MTMR9: variants seen among roughly 807,000 people sequenced by gnomAD.
The protein encoded by MTMR9 is myotubularin related protein 9.
In MTMR9, 39 loss-of-function variants were observed where a neutral mutation model predicts 69.5. That is an observed-to-expected ratio of 0.56 (90% CI 0.43 to 0.73). The LOEUF is 0.73. Ranked by LOEUF, MTMR9 falls within the 30% of genes least tolerant of loss-of-function variation. The pLI is 0.00. For missense variants in MTMR9, 900 were observed against 671.2 expected, an observed-to-expected ratio of 1.34 and a Z score of -3.77; for synonymous variants, 354 against 240.8, an observed-to-expected ratio of 1.47 and a Z score of -4.35.
At chr8:11,307,847 C>G (rs899919772) in intron 5 of MTMR9, among the ~76,000 whole-genome samples, 2 of 151,662 alleles carry the variant, frequency 1.3e-5, no homozygotes, top group African/African-American at 4.8e-5. Flanking sequence ...ATTTATATGT[C>G]TTCTTTTGAG....
At chr8:11,330,974 A>T, downstream of MTMR9, 1 of 1,440,114 alleles carries the variant, frequency 6.9e-7, no homozygotes, top group Non-Finnish European at 9.2e-7. Flanking sequence ...CTCAGCGGGA[A>T]AATAGGCGTG....
chr8:11,285,415 G>A (rs1799113088), intron 1 of MTMR9: 1 of 195,688 alleles, frequency 5.1e-6, no homozygotes, highest in South Asian at 1.4e-4. Flanking sequence ...GTCAGTCACC[G>A]TTCATGAAGT....
intron 2 of MTMR9, among the ~76,000 whole-genome samples, chr8:11,298,554 T>C (rs948970082): frequency 6.6e-6 from 1 of 152,042 alleles, no homozygotes; most frequent in Admixed American, 6.5e-5. Context: ...TACTATTGAA[T>C]AGTCATGGGC....
At chr8:11,331,613 AATC>A (rs1405682056), downstream of MTMR9, 16 of 1,613,024 alleles carry the variant, frequency 9.9e-6, no homozygotes, top group Middle Eastern at 3.5e-4. Flanking sequence ...TCCTAGGACT[AATC>A]ATCATTCTGG....
rs781324653 is a variant in MTMR9, at chr8:11,304,856, C to G, written c.433C>G (p.Leu145Val). 1 of 1,613,950 alleles carries G rather than the reference C, an allele frequency of 6.2e-7. No homozygotes were observed. Among genetic ancestry groups the G allele is most frequent in the South Asian group, 1.1e-5 (1 of 91,068 alleles). The part of the protein sequence containing the change: ...LYSSATSEWR[L>V]SYVNKEFAVC... Reference sequence around the variant, plus strand: ...TGTTTTTCAGACCAGTGAATGGAGGCTAAGCTATGTCAATAAGGAATTTGC... The same window carrying G: ...TGTTTTTCAGACCAGTGAATGGAGGGTAAGCTATGTCAATAAGGAATTTGC... The change falls in exon 4 of 10, where the codon CTA becomes GTA. Residue 145 changes from leucine (L) to valine (V), a missense_variant. By Grantham distance (32) the Leu-to-Val change is conservative. Coordinates refer to ENST00000221086, the MANE Select transcript of MTMR9 (RefSeq NM_015458.4).
At chr8:11,288,346 T>A (rs908896341) in intron 1 of MTMR9, among the ~76,000 whole-genome samples, 1 of 139,896 alleles carries the variant, frequency 7.1e-6, no homozygotes, top group Non-Finnish European at 1.5e-5. Flanking sequence ...TATAATATAT[T>A]TATATATATA....
In MTMR9 at chr8:11,327,186, A is replaced by G. The variant is rs1206870835; in HGVS notation, c.*4398A>G. 1 of 152,216 alleles carries G rather than the reference A, an allele frequency of 6.6e-6. No individual in the cohort carries two copies. Among genetic ancestry groups the G allele is most frequent in the African/African-American group, 2.4e-5 (1 of 41,462 alleles). The allele number at this position is 152,216 out of a possible 1,614,324, so 9.4% of individuals were successfully genotyped here. On this transcript the variant is annotated 3_prime_UTR_variant, in exon 10 of 10. Coordinates refer to ENST00000221086, the MANE Select transcript of MTMR9 (RefSeq NM_015458.4). ...AGACCCTCTGAAATTCTAGGACTGG[A>G]TATTAAAATGCCTGAACCTGTTATC...
Position 11,290,215 on chromosome 8 carries a change from T to C in MTMR9, c.183-4979T>C, listed in dbSNP as rs144537109. ...TTCATTAATTATTAGTGTTTAATTA[T>C]CTTTGTATATGCTTGTGAGCAGTAT... On this transcript the variant is annotated intron_variant, in intron 1 of 9. Transcript: ENST00000221086. Among the ~76,000 whole-genome samples, 331 of 152,356 alleles carry C rather than the reference T, an allele frequency of 2.2e-3. 1 individual carries two copies. The highest frequency in any genetic ancestry group is 7.6e-3 in the African/African-American group (316 of 41,590).
chr8:11,330,039 G>T (rs960973481), downstream of MTMR9, among the ~76,000 whole-genome samples: 2 of 151,132 alleles, frequency 1.3e-5, no homozygotes, highest in African/African-American at 4.9e-5. Flanking sequence ...ACCCCGCCCG[G>T]CAGCCGCCCC....
In MTMR9 at chr8:11,326,793, A is replaced by T. The variant is rs12549648; in HGVS notation, c.*4005A>T. The T allele has an allele frequency of 0.068, 10,399 of 152,244 alleles. 624 individuals carry two copies. The highest frequency in any genetic ancestry group is 0.19 in the Admixed American group (2,954 of 15,278). 9.4% of individuals were successfully genotyped at this position (152,244 alleles called of 1,614,324 possible). The stretch of plus-strand genomic sequence containing the variant: ...AGACCATCCTGGCTAACACGGTGAA[A>T]ACCCATGTCTACTAAAAATACAAAA... On this transcript the variant is annotated 3_prime_UTR_variant, in exon 10 of 10. Transcript: ENST00000221086.
intron 1 of MTMR9, among the ~76,000 whole-genome samples, chr8:11,287,812 CAT>C (rs1491147643): frequency 1.1e-5 from 1 of 89,544 alleles, no homozygotes; most frequent in African/African-American, 4.5e-5. Flanking sequence ...TTATATAATA[CAT>C]ATAATATATA....
rs528883939 is a variant in MTMR9, at chr8:11,316,659, C to T, written c.1114-14C>T. 2.2e-5 allele frequency: 34 copies of T among 1,566,526 alleles called. No homozygotes were observed. In the South Asian group the frequency reaches 3.9e-4, roughly 18 times the overall value. ...CACCAGGATATGACTGTCACGCCTC[C>T]ATCTTCCCCCTAGGCTGGTCACCCA... On this transcript the variant is annotated splice_polypyrimidine_tract_variant and intron_variant, in intron 7 of 9. Coordinates refer to ENST00000221086, the MANE Select transcript of MTMR9 (RefSeq NM_015458.4).
chr8:11,300,299 A>C (rs1203010119), intron 3 of MTMR9, 151 bp downstream of exon 3: 4 of 783,036 alleles, frequency 5.1e-6, no homozygotes, highest in African/African-American at 3.5e-5. Flanking sequence ...GAAGCCATGC[A>C]GAGTATGATC....
intron 1 of MTMR9, among the ~76,000 whole-genome samples, chr8:11,288,447 TAGAA>T (rs1265499358): frequency 2.0e-5 from 3 of 150,166 alleles, no homozygotes; most frequent in Non-Finnish European, 3.0e-5. Flanking sequence ...GCAGTTTCCT[TAGAA>T]AGGATTTCAG....
At position 11,288,619 on chromosome 8, in the gene MTMR9, G is replaced by T. The variant is rs183248504; in HGVS notation, c.182+3549G>T. On this transcript the variant is annotated intron_variant, in intron 1 of 9. Transcript: ENST00000221086. ...TGTGCAGAGAAGAGCGAAGAGGCCA[G>T]TGTGGCTGCAGGGCAGGGAACAGAG... is the stretch of plus-strand genomic sequence containing the variant. Among the ~76,000 whole-genome samples, 311 of 152,278 alleles carry T rather than the reference G, an allele frequency of 2.0e-3. 4 individuals are homozygous for T. Among genetic ancestry groups the T allele is most frequent in the Admixed American group, 8.3e-3 (127 of 15,304 alleles).
intron 1 of MTMR9, among the ~76,000 whole-genome samples, chr8:11,291,499 A>C (rs1799378936): frequency 6.6e-6 from 1 of 152,164 alleles, no homozygotes; most frequent in Admixed American, 6.5e-5. Context: ...ATTGATGTGA[A>C]TCATAGGAGT....
At chr8:11,296,605 G>A (rs1226998076) in intron 2 of MTMR9, among the ~76,000 whole-genome samples, 1 of 151,884 alleles carries the variant, frequency 6.6e-6, no homozygotes, top group Non-Finnish European at 1.5e-5. Flanking sequence ...GACTACTTTA[G>A]GTATCTCATA....
intron 1 of MTMR9, among the ~76,000 whole-genome samples, chr8:11,290,914 T>A (rs1799361240): frequency 6.6e-6 from 1 of 151,874 alleles, no homozygotes; most frequent in Non-Finnish European, 1.5e-5. Context: ...CCTTTATGTT[T>A]CCATGCAATT....
chr8:11,322,444 C>T (rs1280431722), intron 9 of MTMR9, among the ~76,000 whole-genome samples, 181 bp from the exon 10 acceptor site: 1 of 152,178 alleles, frequency 6.6e-6, no homozygotes, highest in African/African-American at 2.4e-5. Context: ...TATTCAATTG[C>T]ATCCTTTTCA....
Sources: gnomAD v4.1 joint callset for allele counts (sites outside exome capture counted in the v4.1 genomes callset) on GRCh38, gnomAD v4.1.1 for gene constraint, MANE v1.5 for transcripts, NCBI Gene and HGNC (gene_info 2026-07-23, HGNC 2026-07-21) for gene names.